Variants in RPL5 observed in about 807,000 individuals in gnomAD.
The protein encoded by RPL5 is ribosomal protein L5.
Under a neutral mutation model 38.4 loss-of-function variants are expected in RPL5, and 1 was observed. The observed-to-expected ratio is 0.03, with a 90% CI of 0.01 to 0.12. The LOEUF is 0.12. Among genes scored for constraint, RPL5 ranks in the 10% least tolerant of loss-of-function variants. The pLI is 1.00. For synonymous variants in RPL5, 109 were observed against 121.2 expected, an observed-to-expected ratio of 0.90 and a Z score of 0.66; for missense variants, 243 against 374.1, an observed-to-expected ratio of 0.65 and a Z score of 2.89.
chr1:92,833,682 C>T, intron 3 of RPL5, 22 bp downstream of exon 3: 1 of 1,579,370 alleles, frequency 6.3e-7, no homozygotes, highest in African/African-American at 1.3e-5. Context: ...TCTAGACAGT[C>T]CCCTTTTTTT....
intron 6 of RPL5, chr1:92,840,220 T>C (rs1362902297): frequency 3.2e-6 from 1 of 316,874 alleles, no homozygotes; most frequent in African/African-American, 2.2e-5. Flanking sequence ...TGTGTTGCCT[T>C]AGCTGGTCTC....
chr1:92,832,946 C>G lies in RPL5; in HGVS notation c.4-443C>G, dbSNP rs1686966876. The G allele has an allele frequency of 5.6e-6, 4 of 709,176 alleles. No individual in the cohort carries two copies. In the Admixed American group the frequency reaches 8.0e-5, roughly 14 times the overall value. 43.9% of individuals were successfully genotyped at this position (709,176 alleles called of 1,614,324 possible). A position where few individuals can be genotyped will look rare whatever the true frequency, so the allele number is the denominator to read the frequency against. ...GCTAGGTTTTCGAAGTGGGACATAGCGTGTTCCGAACAAACCGACGTTTGG... is the reference window on the plus strand; with the variant it reads ...GCTAGGTTTTCGAAGTGGGACATAGGGTGTTCCGAACAAACCGACGTTTGG... On this transcript the variant is annotated intron_variant, in intron 1 of 7. Coordinates refer to ENST00000370321, the MANE Select transcript of RPL5 (RefSeq NM_000969.5).
chr1:92,833,468 C>T lies in RPL5; in HGVS notation c.73+10C>T. 5 of 1,613,728 alleles carry T rather than the reference C, an allele frequency of 3.1e-6. No homozygotes were observed. The highest frequency in any genetic ancestry group is 4.2e-6 in the Non-Finnish European group (5 of 1,179,718). Reference sequence around the variant, plus strand: ...TTTAGAAGACGACGAGGTACTGTCACCTTTTTGTGTTTACAATATTAATCT... The same window carrying T: ...TTTAGAAGACGACGAGGTACTGTCATCTTTTTGTGTTTACAATATTAATCT... On this transcript the variant is annotated intron_variant, in intron 2 of 7. Coordinates refer to ENST00000370321, the MANE Select transcript of RPL5 (RefSeq NM_000969.5).
chr1:92,836,412 C>T lies in RPL5; in HGVS notation c.527+20C>T, dbSNP rs371513743. 5.5e-5 allele frequency: 89 copies of T among 1,606,068 alleles called. No individual in the cohort carries two copies. The highest frequency in any genetic ancestry group is 6.8e-5 in the Non-Finnish European group (80 of 1,172,894). ...TCACAGGTAAGAATACTATTTAAGA[C>T]CTTGGTGCCTGGACCGTGGTACTTC... is the stretch of plus-strand genomic sequence containing the variant. On this transcript the variant is annotated intron_variant, in intron 5 of 7. Transcript: ENST00000370321.
intron 4 of RPL5, chr1:92,835,139 G>T: frequency 3.3e-6 from 2 of 599,926 alleles, no homozygotes; most frequent in South Asian, 3.8e-5. Flanking sequence ...TGCCACTAGC[G>T]ACCTGCAGCT....
At chr1:92,835,850 C>A (rs1687103114) in intron 4 of RPL5, among the ~76,000 whole-genome samples, 1 of 152,160 alleles carries the variant, frequency 6.6e-6, no homozygotes, top group African/African-American at 2.4e-5. Context: ...GATGACAACC[C>A]ACTCATTGGT....
chr1:92,841,391 G>A (rs1343118016), intron 7 of RPL5, among the ~76,000 whole-genome samples: 1 of 152,136 alleles, frequency 6.6e-6, no homozygotes, highest in Non-Finnish European at 1.5e-5. Flanking sequence ...TTATGTATAT[G>A]TATACCACAT....
chr1:92,836,082 A>G (rs1687113102), intron 4 of RPL5, 108 bp from the exon 5 acceptor site: 2 of 1,038,496 alleles, frequency 1.9e-6, no homozygotes, highest in Non-Finnish European at 3.0e-6. Context: ...GTGGAAGGAA[A>G]TTTTCTTTTC....
chr1:92,833,295 A>C, intron 1 of RPL5, 94 bp from the exon 2 acceptor site: 1 of 1,015,532 alleles, frequency 9.8e-7, no homozygotes, highest in Non-Finnish European at 1.5e-6. Flanking sequence ...TTTACTCTTG[A>C]AGTTCAAGTG....
chr1:92,833,019 AT>A, intron 1 of RPL5: 2 of 742,070 alleles, frequency 2.7e-6, no homozygotes, highest in Non-Finnish European at 4.9e-6. Context: ...GTTTGGCACA[AT>A]TACCGGTGCT....
chr1:92,840,709 T>TG (rs1687323468), intron 7 of RPL5, 70 bp downstream of exon 7: 2 of 1,131,680 alleles, frequency 1.8e-6, no homozygotes, highest in Non-Finnish European at 2.7e-6. Context: ...GGCAGACTGT[T>TG]GGTGTAATTG....
At chr1:92,836,663 T>C (rs1383688960) in intron 5 of RPL5, 1 of 426,102 alleles carries the variant, frequency 2.3e-6, no homozygotes, top group East Asian at 4.9e-5. Context: ...TGCATATGAC[T>C]TAATTCTTAT....
chr1:92,832,235 G>C (rs1328600497), intron 1 of RPL5, 118 bp downstream of exon 1: 17 of 1,501,786 alleles, frequency 1.1e-5, no homozygotes, highest in Non-Finnish European at 1.5e-5. Flanking sequence ...TAGATTGCTA[G>C]CTCTGACTTG....
intron 7 of RPL5, among the ~76,000 whole-genome samples, chr1:92,841,549 T>C (rs1305746628): frequency 6.6e-6 from 1 of 152,194 alleles, no homozygotes; most frequent in Non-Finnish European, 1.5e-5. Flanking sequence ...TATTTGACTT[T>C]TGGCCCTATG....
Position 92,832,053 on chromosome 1 carries a change from C to A in RPL5, c.-62C>A, listed in dbSNP as rs368663464. The A allele has an allele frequency of 1.1e-5, 18 of 1,610,598 alleles. No individual in the cohort carries two copies. Among genetic ancestry groups the A allele is most frequent in the Admixed American group, 5.0e-5 (3 of 59,518 alleles). On this transcript the variant is annotated 5_prime_UTR_variant, in exon 1 of 8. Transcript: ENST00000370321. ...AAGGGCTGTGGCCCTTTTCCCACCC[C>A]CTAGCGCCGCTGGGCCTGCAGGTCT...
intron 6 of RPL5, among the ~76,000 whole-genome samples, chr1:92,839,661 C>T (rs1210394270): frequency 6.6e-6 from 1 of 152,180 alleles, no homozygotes; most frequent in Non-Finnish European, 1.5e-5. Flanking sequence ...TGGTCCCATA[C>T]GTTCATCATC....
At chr1:92,833,025 G>A in intron 1 of RPL5, 1 of 741,648 alleles carries the variant, frequency 1.3e-6, no homozygotes, top group South Asian at 1.4e-5. Context: ...CACAATTACC[G>A]GTGCTGGTCC....
chr1:92,838,675 T>C (rs958505430), intron 6 of RPL5, among the ~76,000 whole-genome samples: 2 of 152,244 alleles, frequency 1.3e-5, no homozygotes, highest in African/African-American at 2.4e-5. Flanking sequence ...AGGTGGTCTT[T>C]ACCTCAATTC....
rs200130961 is a variant in RPL5, at chr1:92,832,129, C to T, written c.3+12C>T. ...TGTTCCGCAGGATGGTGAGTGGATG[C>T]CTCGGTCTCGGGGCTTTAGATGCAT... On this transcript the variant is annotated intron_variant, in intron 1 of 7. Coordinates refer to ENST00000370321, the MANE Select transcript of RPL5 (RefSeq NM_000969.5). 7.0e-5 allele frequency: 113 copies of T among 1,614,052 alleles called. No individual in the cohort carries two copies. In the African/African-American group the frequency reaches 1.2e-3, roughly 17 times the overall value.
Sources: gnomAD v4.1 joint callset for allele counts (sites outside exome capture counted in the v4.1 genomes callset) on GRCh38, gnomAD v4.1.1 for gene constraint, MANE v1.5 for transcripts, NCBI Gene and HGNC (gene_info 2026-07-23, HGNC 2026-07-21) for gene names.